The following R3HDM2 variants were observed in gnomAD, a reference collection of about 807,000 sequenced individuals.
R3HDM2 encodes the protein R3H domain containing 2.
Under a neutral mutation model 124.5 loss-of-function variants are expected in R3HDM2, and 38 were observed. That is an observed-to-expected ratio of 0.31 (90% CI 0.24 to 0.40). R3HDM2 has a LOEUF of 0.40. Among genes scored for constraint, R3HDM2 ranks in the 10% least tolerant of loss-of-function variants. R3HDM2 has a pLI of 1.00. For synonymous variants in R3HDM2, 391 were observed against 448.0 expected (o/e 0.87, Z 1.61); for missense variants, 869 against 1,236.9 (o/e 0.70, Z 4.46).
At chr12:57,379,488 G>A (rs2064548503) in intron 2 of R3HDM2, among the ~76,000 whole-genome samples, 1 of 152,084 alleles carries the variant, frequency 6.6e-6, no homozygotes, top group Non-Finnish European at 1.5e-5. Context: ...GCTGAGGCAG[G>A]AGAACAGCTT....
intron 1 of R3HDM2, among the ~76,000 whole-genome samples, chr12:57,406,576 G>A (rs2068545097): frequency 6.6e-6 from 1 of 151,964 alleles, no homozygotes. Flanking sequence ...AAGTACTGCA[G>A]CTAAAAAAAA....
At chr12:57,278,622 GA>G (rs956645950) in intron 14 of R3HDM2, among the ~76,000 whole-genome samples, 22 of 152,138 alleles carry the variant, frequency 1.4e-4, no homozygotes, top group African/African-American at 4.8e-4. Context: ...CACAGACAGA[GA>G]AAAGTACACA....
intron 14 of R3HDM2, among the ~76,000 whole-genome samples, chr12:57,274,876 A>C (rs2044329120): frequency 6.6e-6 from 1 of 152,232 alleles, no homozygotes; most frequent in Non-Finnish European, 1.5e-5. Flanking sequence ...CAATATTGTA[A>C]AAATGACCAT....
intron 2 of R3HDM2, among the ~76,000 whole-genome samples, chr12:57,389,149 C>T (rs966092830): frequency 6.6e-6 from 1 of 152,152 alleles, no homozygotes; most frequent in Non-Finnish European, 1.5e-5. Flanking sequence ...AAGGAAAGAT[C>T]CCCTGAAACG....
At position 57,288,948 on chromosome 12, in the gene R3HDM2, T is replaced by C. The variant is rs1450743744; in HGVS notation, c.938+61A>G. 3 of 1,549,000 alleles carry C rather than the reference T, an allele frequency of 1.9e-6. No homozygotes were observed. In the South Asian group the frequency reaches 3.6e-5, roughly 18 times the overall value. ...ATCAAAGAAAAGCATCATTACAGGA[T>C]TATATTAACCTCACTGGCAAAGCTC... On this transcript the variant is annotated intron_variant, in intron 12 of 23. Transcript: ENST00000402412.
chr12:57,360,521 C>T (rs73342123), intron 2 of R3HDM2, among the ~76,000 whole-genome samples: 2,744 of 151,788 alleles, frequency 0.018, 57 homozygotes, highest in African/African-American at 0.056. Context: ...AAGCAGGGAG[C>T]TAAGGTGGGA....
intron 3 of R3HDM2, among the ~76,000 whole-genome samples, chr12:57,309,440 T>A (rs568598601): frequency 6.6e-6 from 1 of 152,192 alleles, no homozygotes; most frequent in African/African-American, 2.4e-5. Context: ...ACAAGGAAGT[T>A]TGGCTAACTA....
chr12:57,401,488 A>G (rs965615227), intron 1 of R3HDM2, among the ~76,000 whole-genome samples: 32 of 152,236 alleles, frequency 2.1e-4, no homozygotes, highest in African/African-American at 7.5e-4. Flanking sequence ...GAGTGAGCCC[A>G]GCCAAAACCA....
chr12:57,430,497 A>ACCCCCCCCC, intron 1 of R3HDM2: 1 of 381,596 alleles, frequency 2.6e-6, no homozygotes, highest in Non-Finnish European at 3.5e-6. Flanking sequence ...CTGCCCCCGC[A>ACCCCCCCCC]CCGCCGCCCT....
intron 3 of R3HDM2, among the ~76,000 whole-genome samples, chr12:57,307,147 C>T (rs149340137): frequency 6.6e-6 from 1 of 152,188 alleles, no homozygotes; most frequent in Non-Finnish European, 1.5e-5. Context: ...TTGCTGATCC[C>T]AAGGACATAT....
intron 19 of R3HDM2, among the ~76,000 whole-genome samples, chr12:57,260,286 G>C (rs1268570371): frequency 2.6e-4 from 7 of 26,730 alleles, no homozygotes; most frequent in Non-Finnish European, 3.6e-4. Flanking sequence ...AAAAAAAAAA[G>C]CCTGCTGAAA....
intron 14 of R3HDM2, among the ~76,000 whole-genome samples, chr12:57,275,104 C>G (rs150709035): frequency 1.4e-3 from 209 of 152,278 alleles, no homozygotes; most frequent in Middle Eastern, 6.8e-3. Context: ...CAGCATGGTA[C>G]TGGTATAAAA....
At chr12:57,386,143 C>T (rs570494339) in intron 2 of R3HDM2, among the ~76,000 whole-genome samples, 5 of 131,510 alleles carry the variant, frequency 3.8e-5, no homozygotes, top group African/African-American at 1.0e-4. Context: ...GAGGTGACAG[C>T]GTGCTGGCAG....
intron 14 of R3HDM2, among the ~76,000 whole-genome samples, chr12:57,278,953 A>C (rs2045494177): frequency 6.6e-6 from 1 of 152,072 alleles, no homozygotes; most frequent in Non-Finnish European, 1.5e-5. Context: ...TAGGGAAGAA[A>C]TATATCTAAG....
At chr12:57,419,395 A>G (rs940812809) in intron 1 of R3HDM2, among the ~76,000 whole-genome samples, 33 of 151,538 alleles carry the variant, frequency 2.2e-4, no homozygotes, top group African/African-American at 7.8e-4. Context: ...TGCCCGCCTC[A>G]GCCTCCCAAA....
rs1190715031 is a variant in R3HDM2, at chr12:57,272,779, A to C, written c.1345-2785T>G. On this transcript the variant is annotated intron_variant, in intron 14 of 23. Coordinates refer to ENST00000402412, the MANE Select transcript of R3HDM2 (RefSeq NM_001394031.1). ...TTTAACATCTCTTTGACAAACAGGC[A>C]ATCTCTCTTATCAGGGGAGACCTGC... Among the ~76,000 whole-genome samples, 3 of 152,162 alleles carry C rather than the reference A, an allele frequency of 2.0e-5. No homozygotes were observed. The East Asian group carries it at 5.8e-4, about 29-fold the overall frequency.
intron 2 of R3HDM2, among the ~76,000 whole-genome samples, chr12:57,348,511 T>C (rs1337976924): frequency 6.6e-6 from 1 of 151,460 alleles, no homozygotes; most frequent in Non-Finnish European, 1.5e-5. Flanking sequence ...CTGGCCAACA[T>C]GGCAAAACCC....
chr12:57,355,836 C>A (rs2061231140), intron 2 of R3HDM2, among the ~76,000 whole-genome samples: 1 of 152,128 alleles, frequency 6.6e-6, no homozygotes. Context: ...CTGAGTATTT[C>A]ATATTTTTAT....
chr12:57,325,641 C>T (rs1357859235), intron 2 of R3HDM2, among the ~76,000 whole-genome samples: 2 of 151,944 alleles, frequency 1.3e-5, no homozygotes, highest in African/African-American at 4.8e-5. Context: ...TGACCTTAGG[C>T]CCAAGCTATC....
Sources: allele counts gnomAD v4.1 joint callset (sites outside exome capture counted in the v4.1 genomes callset), GRCh38; gene constraint gnomAD v4.1.1; transcripts MANE v1.5; gene names NCBI Gene and HGNC (gene_info 2026-07-23, HGNC 2026-07-21).